The following TTLL11 variants were observed in gnomAD, a reference collection of about 807,000 sequenced individuals.
The protein encoded by TTLL11 is tubulin tyrosine ligase like 11, also known as tubulin polyglutamylase TTLL11.
Under a neutral mutation model 51.7 loss-of-function variants are expected in TTLL11, and 42 were observed. The ratio of observed to expected loss-of-function variants is 0.81; its 90% CI spans 0.64 to 1.05. The LOEUF is 1.05. TTLL11 is among the 50% of genes least tolerant of loss of function. TTLL11 has a pLI of 0.00. For synonymous variants in TTLL11, 381 were observed against 383.5 expected (o/e 0.99, Z 0.08); for missense variants, 799 against 940.4 (o/e 0.85, Z 1.97).
rs1425953079 is a variant in TTLL11, at chr9:121,984,541, G to T, written c.1269+4654C>A. On this transcript the variant is annotated intron_variant, in intron 4 of 8. Transcript: ENST00000321582. ...AGACCAGCTAGAGGTGCCAGGGTTA[G>T]CCCAAACCCAGGCCGTCTAAGAACC... Among the ~76,000 whole-genome samples the T allele has an allele frequency of 2.6e-5, 4 of 152,152 alleles. No individual in the cohort carries two copies. The East Asian group carries it at 5.8e-4, about 22-fold the overall frequency.
chr9:121,855,366 T>C (rs1837782604), intron 8 of TTLL11, among the ~76,000 whole-genome samples: 1 of 152,230 alleles, frequency 6.6e-6, no homozygotes, highest in African/African-American at 2.4e-5. Flanking sequence ...TTAGATTTCA[T>C]CATGTGCATG....
At chr9:122,046,344 C>A (rs1232730232) in intron 1 of TTLL11, among the ~76,000 whole-genome samples, 1 of 152,186 alleles carries the variant, frequency 6.6e-6, no homozygotes, top group African/African-American at 2.4e-5. Flanking sequence ...TTGCCTTCTT[C>A]CATGATTGTA....
At chr9:121,914,837 G>A (rs975066544) in intron 6 of TTLL11, among the ~76,000 whole-genome samples, 16 of 152,156 alleles carry the variant, frequency 1.1e-4, no homozygotes, top group African/African-American at 3.9e-4. Context: ...TCTGGGAATG[G>A]AGCCAGATCC....
At position 121,912,923 on chromosome 9, in the gene TTLL11, A is replaced by T. The variant is rs1264024456; in HGVS notation, c.1482-42175T>A. On this transcript the variant is annotated intron_variant, in intron 6 of 8. Coordinates refer to ENST00000321582, the MANE Select transcript of TTLL11 (RefSeq NM_001139442.2). ...CAATATCAGAGTCAAGAAAAAAAAA[A>T]AGCACTAGGATTCAAAGCCAGGCTT... Among the ~76,000 whole-genome samples, 3 of 152,062 alleles carry T rather than the reference A, an allele frequency of 2.0e-5. No homozygotes were observed. The East Asian group carries it at 5.8e-4, about 29-fold the overall frequency.
chr9:121,986,240 C>T (rs986159546), intron 4 of TTLL11, among the ~76,000 whole-genome samples: 1 of 152,160 alleles, frequency 6.6e-6, no homozygotes, highest in Non-Finnish European at 1.5e-5. Flanking sequence ...GATGGCTGCC[C>T]CATGTGGCCT....
chr9:121,972,105 A>G (rs1008104669), intron 6 of TTLL11, among the ~76,000 whole-genome samples: 3 of 151,566 alleles, frequency 2.0e-5, no homozygotes, highest in East Asian at 1.9e-4. Flanking sequence ...TGTTCTGCAC[A>G]TGTATCCCAG....
At chr9:121,967,121 G>T (rs1339946454) in intron 6 of TTLL11, among the ~76,000 whole-genome samples, 1 of 150,534 alleles carries the variant, frequency 6.6e-6, no homozygotes, top group African/African-American at 2.4e-5. Context: ...ATCAGAGATT[G>T]AGAACATTAT....
chr9:122,066,734 T>C (rs1271707086), intron 1 of TTLL11, among the ~76,000 whole-genome samples: 3 of 152,162 alleles, frequency 2.0e-5, no homozygotes, highest in African/African-American at 7.2e-5. Context: ...TCCAGAGTAG[T>C]ATGGTCCGTT....
At position 121,820,295 on chromosome 9, in the gene TTLL11, C is replaced by T. The variant is rs1480374357; in HGVS notation, c.*2292G>A. On this transcript the variant is annotated 3_prime_UTR_variant, in exon 9 of 9. Coordinates refer to ENST00000321582, the MANE Select transcript of TTLL11 (RefSeq NM_001139442.2). The stretch of plus-strand genomic sequence containing the variant: ...TGGCAAGCGAGTACTTTCTGAAGAC[C>T]AACTTCAAGAAATGGTGTCACGTGA... Among the ~76,000 whole-genome samples the T allele has an allele frequency of 6.6e-6, 1 of 152,188 alleles. No individual in the cohort carries two copies. The highest frequency in any genetic ancestry group is 2.4e-5 in the African/African-American group (1 of 41,442).
chr9:121,866,670 A>AG (rs1308269122), intron 7 of TTLL11, among the ~76,000 whole-genome samples: 3 of 151,560 alleles, frequency 2.0e-5, no homozygotes, highest in Non-Finnish European at 2.9e-5. Context: ...AAAAAAAAAA[A>AG]AAAGAAAGAA....
At chr9:121,928,105 G>A (rs900300371) in intron 6 of TTLL11, among the ~76,000 whole-genome samples, 1 of 152,136 alleles carries the variant, frequency 6.6e-6, no homozygotes, top group Non-Finnish European at 1.5e-5. Flanking sequence ...AAGCGTGGGA[G>A]GGGCAGTACC....
chr9:121,873,831 CTTT>C (rs71508142), intron 6 of TTLL11, among the ~76,000 whole-genome samples: 6 of 77,396 alleles, frequency 7.8e-5, no homozygotes, highest in African/African-American at 2.4e-4. Flanking sequence ...ATTAGCCTGA[CTTT>C]TTTTTTTTTT....
At chr9:122,031,696 G>A (rs756242259) in intron 3 of TTLL11, 27 bp downstream of exon 3, 22 of 1,609,458 alleles carry the variant, frequency 1.4e-5, no homozygotes, top group African/African-American at 2.7e-5. Context: ...TATAATTCAG[G>A]GGTCATGGGG....
intron 8 of TTLL11, among the ~76,000 whole-genome samples, chr9:121,827,497 T>TC (rs35992123): frequency 1.3e-5 from 2 of 151,782 alleles, no homozygotes. Flanking sequence ...AAACCACATC[T>TC]CCCCCTCCAA....
At chr9:122,044,655 GA>G (rs1437096837) in intron 1 of TTLL11, among the ~76,000 whole-genome samples, 1 of 151,998 alleles carries the variant, frequency 6.6e-6, no homozygotes, top group Non-Finnish European at 1.5e-5. Flanking sequence ...ACTCAACAAT[GA>G]AAAAACACTT....
chr9:121,986,640 T>C (rs1842949537), intron 4 of TTLL11, among the ~76,000 whole-genome samples: 1 of 152,136 alleles, frequency 6.6e-6, no homozygotes, highest in Non-Finnish European at 1.5e-5. Context: ...CCCTTCCTGG[T>C]ACTGATCATG....
chr9:121,944,993 T>C (rs1841611729), intron 6 of TTLL11, among the ~76,000 whole-genome samples: 1 of 152,208 alleles, frequency 6.6e-6, no homozygotes, highest in African/African-American at 2.4e-5. Context: ...GTTTTCAGGG[T>C]TAAAAAAATA....
At chr9:121,897,011 A>G (rs1052734900) in intron 6 of TTLL11, among the ~76,000 whole-genome samples, 2 of 152,154 alleles carry the variant, frequency 1.3e-5, no homozygotes, top group African/African-American at 4.8e-5. Flanking sequence ...TTCAGGCCAC[A>G]TTAATTTGCG....
intron 2 of TTLL11, 66 bp downstream of exon 2, chr9:122,039,203 TTAG>T (rs1156380348): frequency 7.8e-7 from 1 of 1,286,492 alleles, no homozygotes; most frequent in East Asian, 2.3e-5. Context: ...CTGTCATGTT[TTAG>T]TAGAAGAGTG....
Sources: gnomAD v4.1 joint callset for allele counts (sites outside exome capture counted in the v4.1 genomes callset) on GRCh38, gnomAD v4.1.1 for gene constraint, MANE v1.5 for transcripts, NCBI Gene and HGNC (gene_info 2026-07-23, HGNC 2026-07-21) for gene names.